CARMIL1: variants seen among roughly 807,000 people sequenced by gnomAD.
CARMIL1 encodes the protein F-actin-uncapping protein LRRC16A.
Under a neutral mutation model 177.1 loss-of-function variants are expected in CARMIL1, and 90 were observed. That is an observed-to-expected ratio of 0.51 (90% CI 0.43 to 0.61). The LOEUF (loss-of-function observed/expected upper bound fraction) is 0.61. Among genes scored for constraint, CARMIL1 ranks in the 20% least tolerant of loss-of-function variants. The pLI is 0.00. For synonymous variants in CARMIL1, 577 were observed against 606.2 expected, an observed-to-expected ratio of 0.95 and a Z score of 0.71; for missense variants, 1,380 against 1,667.0, an observed-to-expected ratio of 0.83 and a Z score of 3.00.
intron 25 of CARMIL1, among the ~76,000 whole-genome samples, chr6:25,538,694 A>G (rs1231133754): frequency 6.6e-6 from 1 of 152,142 alleles, no homozygotes; most frequent in Non-Finnish European, 1.5e-5. Flanking sequence ...ATCTTTTGTT[A>G]TTAATAAAAA....
chr6:25,473,493 C>T (rs1266692169), intron 11 of CARMIL1, among the ~76,000 whole-genome samples: 1 of 152,098 alleles, frequency 6.6e-6, no homozygotes, highest in African/African-American at 2.4e-5. Flanking sequence ...TTAAGAAAAT[C>T]ATAAGAATAA....
At chr6:25,438,351 C>T (rs1184295554) in intron 5 of CARMIL1, among the ~76,000 whole-genome samples, 1 of 152,124 alleles carries the variant, frequency 6.6e-6, no homozygotes, top group African/African-American at 2.4e-5. Flanking sequence ...GGTCCCTGCC[C>T]ACGTGGAACT....
chr6:25,471,059 G>T, intron 9 of CARMIL1, 110 bp from the exon 10 acceptor site: 1 of 609,552 alleles, frequency 1.6e-6, no homozygotes, highest in South Asian at 2.7e-5. Context: ...AAGGTTTATT[G>T]AATGAGTGAA....
chr6:25,376,912 A>C (rs1791042007), intron 2 of CARMIL1, among the ~76,000 whole-genome samples: 1 of 152,154 alleles, frequency 6.6e-6, no homozygotes, highest in African/African-American at 2.4e-5. Context: ...AAAGGGAAGA[A>C]GCCACCTCAG....
At chr6:25,460,719 G>A (rs188199733) in intron 8 of CARMIL1, among the ~76,000 whole-genome samples, 5 of 152,320 alleles carry the variant, frequency 3.3e-5, no homozygotes, top group South Asian at 2.1e-4. Flanking sequence ...ATATTCTAAT[G>A]TATGAACATT....
At chr6:25,465,053 C>A (rs1054351064) in intron 8 of CARMIL1, among the ~76,000 whole-genome samples, 4 of 124,102 alleles carry the variant, frequency 3.2e-5, no homozygotes, top group Non-Finnish European at 4.8e-5. Context: ...TGGATGCAGT[C>A]ACTGCTAAGA....
chr6:25,492,132 A>T lies in CARMIL1; in HGVS notation c.1220+108A>T. On this transcript the variant is annotated intron_variant, in intron 15 of 36. Coordinates refer to ENST00000329474, the MANE Select transcript of CARMIL1 (RefSeq NM_017640.6). ...AAGGGTGAATGTTGTATATGAAAGA[A>T]GGCAGCCTTAAGCATTATCTATGAA... is the stretch of plus-strand genomic sequence containing the variant. 9.1e-6 allele frequency: 8 copies of T among 880,436 alleles called. No individual in the cohort carries two copies. The South Asian group carries it at 9.6e-5, about 11-fold the overall frequency. 54.5% of individuals were successfully genotyped at this position (880,436 alleles called of 1,614,324 possible).
At chr6:25,284,427 C>T (rs2690051) in intron 1 of CARMIL1, among the ~76,000 whole-genome samples, 7,562 of 152,140 alleles carry the variant, frequency 0.05, 587 homozygotes, top group African/African-American at 0.16. Context: ...AAAAGACAAA[C>T]GGTCGGGCAC....
intron 2 of CARMIL1, among the ~76,000 whole-genome samples, chr6:25,359,124 A>G (rs1562032002): frequency 6.6e-6 from 1 of 152,154 alleles, no homozygotes; most frequent in Non-Finnish European, 1.5e-5. Context: ...GGTGCTACTA[A>G]TAGAAGGCTC....
chr6:25,497,888 T>C (rs1379075379), intron 16 of CARMIL1, among the ~76,000 whole-genome samples: 1 of 152,146 alleles, frequency 6.6e-6, no homozygotes, highest in African/African-American at 2.4e-5. Flanking sequence ...CTTACTTCAT[T>C]GTTGCGATTT....
chr6:25,465,074 A>G (rs74571747), intron 8 of CARMIL1, among the ~76,000 whole-genome samples: 1 of 149,350 alleles, frequency 6.7e-6, no homozygotes, highest in South Asian at 2.1e-4. Context: ...ACTAAAGCAA[A>G]AAAAAAAAAA....
At position 25,574,560 on chromosome 6, in the gene CARMIL1, C is replaced by T. The variant is rs551456400; in HGVS notation, c.2743-6364C>T. Among the ~76,000 whole-genome samples, 10 of 152,330 alleles carry T rather than the reference C, an allele frequency of 6.6e-5. No individual in the cohort carries two copies. In the East Asian group the frequency reaches 1.7e-3, roughly 26 times the overall value. On this transcript the variant is annotated intron_variant, in intron 29 of 36. Transcript: ENST00000329474. ...CTACTAACAATCTCAAGCTTCTCCC[C>T]GTTTCTCCTGAGGCACTCTCATGAG...
rs193139594 is a variant in CARMIL1, at chr6:25,604,561, A to T, written c.3553-251A>T. Reference sequence around the variant, plus strand: ...TGGCCCCATGCACCTCTCACCTGTGAGGAGCCTTCCGAGGAACCAAACCGG... The same window carrying T: ...TGGCCCCATGCACCTCTCACCTGTGTGGAGCCTTCCGAGGAACCAAACCGG... On this transcript the variant is annotated intron_variant, in intron 33 of 36. Coordinates refer to ENST00000329474, the MANE Select transcript of CARMIL1 (RefSeq NM_017640.6). 2.6e-3 allele frequency among the ~76,000 whole-genome samples: 390 copies of T among 152,294 alleles called. 2 individuals carry two copies. The highest frequency in any genetic ancestry group is 8.3e-3 in the African/African-American group (346 of 41,570).
In CARMIL1 at chr6:25,330,313, CAA is replaced by C. The variant is rs760183348; in HGVS notation, c.138+45405_138+45406del. ...GGATGAGCTGGCCAGGTAGTGATGACAAGAGGGAGAGGGATTTAAAGTGTGAA... is the reference window on the plus strand; with the variant it reads ...GGATGAGCTGGCCAGGTAGTGATGACGAGGGAGAGGGATTTAAAGTGTGAA... On this transcript the variant is annotated intron_variant, in intron 2 of 36. Transcript: ENST00000329474. Among the ~76,000 whole-genome samples, 5 of 151,996 alleles carry C rather than the reference CAA, an allele frequency of 3.3e-5. No homozygotes were observed. The East Asian group carries it at 7.7e-4, about 24-fold the overall frequency.
intron 2 of CARMIL1, among the ~76,000 whole-genome samples, chr6:25,288,753 G>A (rs1447301029): frequency 6.6e-6 from 1 of 152,124 alleles, no homozygotes; most frequent in Non-Finnish European, 1.5e-5. Context: ...GGCCAAGAGG[G>A]TTTATTCACA....
intron 8 of CARMIL1, chr6:25,452,051 A>G (rs745847965): frequency 3.5e-6 from 2 of 578,010 alleles, no homozygotes; most frequent in South Asian, 1.4e-5. Flanking sequence ...CAGGAAATCC[A>G]GAATTGCAGT....
intron 8 of CARMIL1, among the ~76,000 whole-genome samples, 182 bp downstream of exon 8, chr6:25,450,893 CTTTT>C (rs1798791944): frequency 8.0e-6 from 1 of 124,530 alleles, no homozygotes; most frequent in African/African-American, 3.0e-5. Context: ...TTTTTCTTTT[CTTTT>C]CTTTTTTCTT....
intron 11 of CARMIL1, among the ~76,000 whole-genome samples, chr6:25,474,697 T>C (rs564643078): frequency 6.6e-6 from 1 of 152,332 alleles, no homozygotes; most frequent in East Asian, 1.9e-4. Context: ...TATACTCAAT[T>C]CTTAGGAAAA....
At chr6:25,565,232 G>A (rs1811448112) in intron 29 of CARMIL1, among the ~76,000 whole-genome samples, 1 of 152,088 alleles carries the variant, frequency 6.6e-6, no homozygotes, top group African/African-American at 2.4e-5. Context: ...CTCACTTAAG[G>A]GTTTGTTTGT....
Sources: gnomAD v4.1 joint callset for allele counts (sites outside exome capture counted in the v4.1 genomes callset) on GRCh38, gnomAD v4.1.1 for gene constraint, MANE v1.5 for transcripts, NCBI Gene and HGNC (gene_info 2026-07-23, HGNC 2026-07-21) for gene names.